The following PDZRN3 variants were observed in gnomAD, a reference collection of about 807,000 sequenced individuals.
The protein encoded by PDZRN3 is PDZ domain containing ring finger 3.
Under a neutral mutation model 85.7 loss-of-function variants are expected in PDZRN3, and 38 were observed. The ratio of observed to expected loss-of-function variants is 0.44; its 90% CI spans 0.34 to 0.58. The LOEUF is 0.58. Among genes scored for constraint, PDZRN3 ranks in the 20% least tolerant of loss-of-function variants. The probability of loss-of-function intolerance (pLI) is 0.01; values close to 1 mark genes in which losing one functional copy is unlikely to be tolerated. For missense variants in PDZRN3, 1,629 were observed against 1,506.4 expected, an observed-to-expected ratio of 1.08 and a Z score of -1.35; for synonymous variants, 759 against 638.0, an observed-to-expected ratio of 1.19 and a Z score of -2.86.
At chr3:73,558,310 C>T (rs1384350155) in intron 3 of PDZRN3, among the ~76,000 whole-genome samples, 1 of 151,830 alleles carries the variant, frequency 6.6e-6, no homozygotes, top group Non-Finnish European at 1.5e-5. Context: ...CTTAAATGTC[C>T]TAATTTTTGT....
intron 3 of PDZRN3, among the ~76,000 whole-genome samples, chr3:73,569,901 C>T (rs1259736993): frequency 6.6e-6 from 1 of 152,172 alleles, no homozygotes; most frequent in Non-Finnish European, 1.5e-5. Flanking sequence ...GACAGTCCTG[C>T]TTGCCCCCTC....
intron 3 of PDZRN3, among the ~76,000 whole-genome samples, chr3:73,438,833 T>C (rs1226241892): frequency 1.3e-5 from 2 of 152,356 alleles, no homozygotes; most frequent in Middle Eastern, 3.4e-3. Flanking sequence ...CTCATGTGCA[T>C]GGACCCAACT....
intron 3 of PDZRN3, among the ~76,000 whole-genome samples, chr3:73,472,998 A>G (rs1703376161): frequency 6.6e-6 from 1 of 152,164 alleles, no homozygotes; most frequent in Non-Finnish European, 1.5e-5. Flanking sequence ...TGAATGGACG[A>G]TATCTGGGGA....
intron 3 of PDZRN3, among the ~76,000 whole-genome samples, chr3:73,501,555 C>T (rs1032142564): frequency 1.3e-5 from 2 of 152,146 alleles, no homozygotes; most frequent in African/African-American, 4.8e-5. Flanking sequence ...TCAACAAATA[C>T]CTGCTGTGTG....
intron 3 of PDZRN3, among the ~76,000 whole-genome samples, chr3:73,435,088 G>A (rs1702506552): frequency 6.6e-6 from 1 of 152,226 alleles, no homozygotes; most frequent in Non-Finnish European, 1.5e-5. Context: ...GTCCCTTGCT[G>A]AGACGTGCCA....
Position 73,562,986 on chromosome 3 carries a change from TA to T in PDZRN3, c.918+39367del, listed in dbSNP as rs1428090264. ...CCATGGGCTGCAAGTTGGCAAATTATATATATATATATATATATATATATAT... is the reference window on the plus strand; with the variant it reads ...CCATGGGCTGCAAGTTGGCAAATTATTATATATATATATATATATATATAT... On this transcript the variant is annotated intron_variant, in intron 3 of 9. Coordinates refer to ENST00000263666, the MANE Select transcript of PDZRN3 (RefSeq NM_015009.3). Among the ~76,000 whole-genome samples, 60 of 22,904 alleles carry T rather than the reference TA, an allele frequency of 2.6e-3. 2 individuals are homozygous for T. The highest frequency in any genetic ancestry group is 3.7e-3 in the Non-Finnish European group (50 of 13,338). 15.0% of individuals were successfully genotyped at this position (22,904 alleles called of 152,430 possible).
chr3:73,590,769 T>A (rs1330042995), intron 3 of PDZRN3, among the ~76,000 whole-genome samples: 1 of 152,208 alleles, frequency 6.6e-6, no homozygotes, highest in African/African-American at 2.4e-5. Context: ...ATTATCTCAC[T>A]CATGTTTCTT....
intron 4 of PDZRN3, among the ~76,000 whole-genome samples, chr3:73,401,535 G>A (rs1701749333): frequency 6.6e-6 from 1 of 152,150 alleles, no homozygotes; most frequent in Admixed American, 6.5e-5. Context: ...TATCACAAAC[G>A]TACAGTATGC....
At chr3:73,395,911 G>A (rs1042003853) in intron 5 of PDZRN3, among the ~76,000 whole-genome samples, 5 of 152,224 alleles carry the variant, frequency 3.3e-5, no homozygotes, top group African/African-American at 1.2e-4. Context: ...TTGTATTCTA[G>A]TGGGGAAGAA....
At chr3:73,456,215 T>C (rs111747657) in intron 3 of PDZRN3, among the ~76,000 whole-genome samples, 2,409 of 148,984 alleles carry the variant, frequency 0.016, 45 homozygotes, top group African/African-American at 0.045. Context: ...TGTGTGTGTG[T>C]GCGCGCGTGC....
At chr3:73,424,477 G>C (rs1702268825) in intron 3 of PDZRN3, among the ~76,000 whole-genome samples, 1 of 142,224 alleles carries the variant, frequency 7.0e-6, no homozygotes, top group South Asian at 2.2e-4. Context: ...GGAGGCCAGA[G>C]CTTGCAGTAA....
intron 3 of PDZRN3, chr3:73,569,434 A>G (rs908189983): frequency 2.8e-5 from 32 of 1,136,056 alleles, no homozygotes; most frequent in Non-Finnish European, 3.4e-5. Flanking sequence ...CTTCCATGTC[A>G]CGTTCTCTTA....
chr3:73,448,541 G>C (rs1325609235), intron 3 of PDZRN3, among the ~76,000 whole-genome samples: 1 of 152,056 alleles, frequency 6.6e-6, no homozygotes, highest in East Asian at 1.9e-4. Flanking sequence ...TTCTACTTAG[G>C]GCATCAGAAA....
At chr3:73,527,572 C>T (rs1315817521) in intron 3 of PDZRN3, among the ~76,000 whole-genome samples, 2 of 151,718 alleles carry the variant, frequency 1.3e-5, no homozygotes, top group Non-Finnish European at 2.9e-5. Flanking sequence ...TTTCCAATTC[C>T]TAAATCTAGG....
Position 73,383,880 on chromosome 3 carries a change from C to A in PDZRN3, c.2686G>T (p.Ala896Ser), listed in dbSNP as rs777216975. 2.5e-6 allele frequency: 4 copies of A among 1,613,360 alleles called. No homozygotes were observed. The highest frequency in any genetic ancestry group is 3.4e-6 in the Non-Finnish European group (4 of 1,179,726). Residue 896 changes from alanine (A) to serine (S), a missense_variant, in exon 10 of 10, where the codon GCG (alanine) becomes TCG (serine). Coordinates refer to ENST00000263666, the MANE Select transcript of PDZRN3 (RefSeq NM_015009.3). Reference sequence around the variant, plus strand: ...CTCACCAGGCTCATCTGGCTTTGCGCGTACTCCACGGCCGACTTCTGCTGG... The same window carrying A: ...CTCACCAGGCTCATCTGGCTTTGCGAGTACTCCACGGCCGACTTCTGCTGG... ...LIQQKSAVEY[A>S]QSQMSLVSMC...
chr3:73,569,481 C>T, intron 3 of PDZRN3: 2 of 1,097,060 alleles, frequency 1.8e-6, no homozygotes, highest in African/African-American at 1.7e-5. Context: ...TTCCACTGCA[C>T]AGAATGCCTT....
chr3:73,522,596 C>G (rs1041101913), intron 3 of PDZRN3, among the ~76,000 whole-genome samples: 2 of 152,182 alleles, frequency 1.3e-5, no homozygotes, highest in African/African-American at 4.8e-5. Flanking sequence ...AACCTGGTAT[C>G]TGACCTCTTG....
intron 3 of PDZRN3, among the ~76,000 whole-genome samples, chr3:73,562,229 C>T (rs1701833254): frequency 6.6e-6 from 1 of 151,764 alleles, no homozygotes; most frequent in East Asian, 1.9e-4. Context: ...CATTAATGTC[C>T]CACAGATAAA....
At chr3:73,584,272 T>C in intron 3 of PDZRN3, among the ~76,000 whole-genome samples, 1 of 152,022 alleles carries the variant, frequency 6.6e-6, no homozygotes, top group East Asian at 1.9e-4. Flanking sequence ...GGCACAGGGG[T>C]TAAGTTAGGA....
Sources: gnomAD v4.1 joint callset for allele counts (sites outside exome capture counted in the v4.1 genomes callset) on GRCh38, gnomAD v4.1.1 for gene constraint, MANE v1.5 for transcripts, NCBI Gene and HGNC (gene_info 2026-07-23, HGNC 2026-07-21) for gene names.